MERTK: variants seen among roughly 807,000 people sequenced by gnomAD.
MERTK encodes tyrosine-protein kinase Mer.
A neutral mutation model predicts 99.3 loss-of-function variants in MERTK; 69 were observed. That is an observed-to-expected ratio of 0.70 (90% CI 0.57 to 0.85). The LOEUF (loss-of-function observed/expected upper bound fraction) is 0.85, where lower values mean the gene tolerates loss of function less well. Ranked by LOEUF, MERTK falls within the 40% of genes least tolerant of loss-of-function variation. MERTK has a pLI of 0.00. For synonymous variants in MERTK, 426 were observed against 467.6 expected (o/e 0.91, Z 1.15); for missense variants, 1,125 against 1,249.4 (o/e 0.90, Z 1.50).
At chr2:111,980,263 C>T (rs79266191) in intron 7 of MERTK, among the ~76,000 whole-genome samples, 2,454 of 152,218 alleles carry the variant, frequency 0.016, 67 homozygotes, top group African/African-American at 0.046. Flanking sequence ...TTCAGCCTGG[C>T]TCCTTATCAT....
intron 1 of MERTK, among the ~76,000 whole-genome samples, chr2:111,902,326 A>G (rs1332897506): frequency 6.6e-6 from 1 of 152,240 alleles, no homozygotes; most frequent in Non-Finnish European, 1.5e-5. Flanking sequence ...CTGGGTAGAA[A>G]AACTGAGCTG....
At chr2:112,019,634 G>A (rs973028042) in intron 16 of MERTK, 112 bp downstream of exon 16, 14 of 834,826 alleles carry the variant, frequency 1.7e-5, no homozygotes, top group African/African-American at 8.4e-5. Context: ...TGCAGTCAGC[G>A]GGGGATGGTG....
intron 4 of MERTK, among the ~76,000 whole-genome samples, chr2:111,962,504 G>A (rs1312238269): frequency 6.6e-6 from 1 of 151,280 alleles, no homozygotes; most frequent in African/African-American, 2.4e-5. Context: ...TCGACCTCAA[G>A]AAAAAAAAAT....
intron 7 of MERTK, among the ~76,000 whole-genome samples, chr2:111,982,341 G>T (rs1450207602): frequency 6.6e-6 from 1 of 152,050 alleles, no homozygotes; most frequent in Non-Finnish European, 1.5e-5. Context: ...ATAGGCATGA[G>T]CCACCATACC....
intron 4 of MERTK, among the ~76,000 whole-genome samples, chr2:111,964,817 T>C (rs1360596217): frequency 6.6e-6 from 1 of 152,216 alleles, no homozygotes; most frequent in African/African-American, 2.4e-5. Flanking sequence ...ATGCATAGCA[T>C]AGTGGCCCTG....
chr2:111,902,443 T>G (rs1279103941), intron 1 of MERTK, among the ~76,000 whole-genome samples: 1 of 152,202 alleles, frequency 6.6e-6, no homozygotes, highest in African/African-American at 2.4e-5. Context: ...TCCAGTGGCT[T>G]CCTGTTCCCT....
At chr2:111,922,968 A>G (rs1454129208) in intron 1 of MERTK, among the ~76,000 whole-genome samples, 2 of 152,198 alleles carry the variant, frequency 1.3e-5, no homozygotes, top group African/African-American at 4.8e-5. Flanking sequence ...GACTATTCAC[A>G]AAGTCCCTAA....
At chr2:112,024,189 TAAGG>T (rs1573650599) in intron 18 of MERTK, among the ~76,000 whole-genome samples, 2 of 152,322 alleles carry the variant, frequency 1.3e-5, no homozygotes, top group East Asian at 3.9e-4. Context: ...CTTCTGAAAA[TAAGG>T]AAGCATTTCA....
intron 2 of MERTK, among the ~76,000 whole-genome samples, chr2:111,944,498 A>AATT: frequency 5.5e-4 from 1 of 1,802 alleles, no homozygotes; most frequent in Non-Finnish European, 1.3e-3. Context: ...CTAAATTATG[A>AATT]ATTCCTTAAA....
At chr2:111,983,682 A>G (rs998182014) in intron 8 of MERTK, among the ~76,000 whole-genome samples, 1 of 152,248 alleles carries the variant, frequency 6.6e-6, no homozygotes, top group African/African-American at 2.4e-5. Context: ...ACCTGAGGGT[A>G]CTAGGGTCAA....
chr2:111,980,442 G>A (rs1343370836), intron 7 of MERTK, among the ~76,000 whole-genome samples: 7 of 134,242 alleles, frequency 5.2e-5, no homozygotes, highest in African/African-American at 8.4e-5. Flanking sequence ...TTTTTGAGAC[G>A]GAGTCTCGCT....
At chr2:111,909,888 A>G (rs1009062431) in intron 1 of MERTK, among the ~76,000 whole-genome samples, 1 of 152,178 alleles carries the variant, frequency 6.6e-6, no homozygotes, top group African/African-American at 2.4e-5. Context: ...AAAACTACAG[A>G]TGGAACTACC....
intron 10 of MERTK, among the ~76,000 whole-genome samples, chr2:111,998,767 T>G (rs899758973): frequency 6.6e-6 from 1 of 152,134 alleles, no homozygotes; most frequent in Non-Finnish European, 1.5e-5. Flanking sequence ...GCAAATATAT[T>G]AACAAGATTA....
intron 15 of MERTK, among the ~76,000 whole-genome samples, chr2:112,011,602 T>G (rs750563117): frequency 1.3e-5 from 2 of 151,992 alleles, no homozygotes; most frequent in East Asian, 3.9e-4. Flanking sequence ...AATACAAAAA[T>G]TAGCCAGGTG....
Position 111,920,557 on chromosome 2 carries a change from GGTT to G in MERTK, c.62-8559_62-8557del, listed in dbSNP as rs1294343128. ...TCAGGTCAAGTGAGTTCTGATTGAA[GGTT>G]GTTTTTTTTTTTTCTTTTTCTTCTA... On this transcript the variant is annotated intron_variant, in intron 1 of 18. Coordinates refer to ENST00000295408, the MANE Select transcript of MERTK (RefSeq NM_006343.3). Among the ~76,000 whole-genome samples the G allele has an allele frequency of 5.2e-4, 60 of 115,192 alleles. 1 individual carries two copies. Among genetic ancestry groups the G allele is most frequent in the East Asian group, 2.3e-3 (5 of 2,178 alleles). 75.6% of individuals were successfully genotyped at this position (115,192 alleles called of 152,430 possible).
At chr2:111,992,588 T>G (rs1676646530) in intron 8 of MERTK, among the ~76,000 whole-genome samples, 1 of 151,692 alleles carries the variant, frequency 6.6e-6, no homozygotes, top group Non-Finnish European at 1.5e-5. Context: ...CCGTCTCTAC[T>G]GAAAATACAA....
At chr2:111,984,039 G>C (rs915425671) in intron 8 of MERTK, among the ~76,000 whole-genome samples, 7 of 152,182 alleles carry the variant, frequency 4.6e-5, no homozygotes, top group Non-Finnish European at 7.3e-5. Flanking sequence ...GAAGTCTCAC[G>C]ATCTGCCATC....
chr2:111,989,482 G>A (rs1482315267), intron 8 of MERTK, among the ~76,000 whole-genome samples: 5 of 151,398 alleles, frequency 3.3e-5, no homozygotes, highest in African/African-American at 7.3e-5. Context: ...TCAGCCTCCC[G>A]AGTACTGGGA....
At chr2:111,925,918 C>T (rs900475366) in intron 1 of MERTK, among the ~76,000 whole-genome samples, 10 of 151,446 alleles carry the variant, frequency 6.6e-5, no homozygotes, top group South Asian at 2.1e-4. Context: ...CTGCAAGCTC[C>T]GCCTCCCGGG....
Sources: allele counts gnomAD v4.1 joint callset (sites outside exome capture counted in the v4.1 genomes callset), GRCh38; gene constraint gnomAD v4.1.1; transcripts MANE v1.5; gene names NCBI Gene and HGNC (gene_info 2026-07-23, HGNC 2026-07-21).